The following TTC6 variants were observed in gnomAD, a reference collection of about 807,000 sequenced individuals.
TTC6 encodes the protein tetratricopeptide repeat protein 6.
A neutral mutation model predicts 210.4 loss-of-function variants in TTC6; 172 were observed. That is an observed-to-expected ratio of 0.82 (90% CI 0.72 to 0.93). The LOEUF (loss-of-function observed/expected upper bound fraction) is 0.93, where lower values mean the gene tolerates loss of function less well. TTC6 is among the 40% of genes least tolerant of loss of function. TTC6 has a pLI of 0.00. For synonymous variants in TTC6, 804 were observed against 819.6 expected (o/e 0.98, Z 0.32); for missense variants, 2,414 against 2,318.1 (o/e 1.04, Z -0.85).
rs149825912 is a variant in TTC6, at chr14:37,728,560, T to C, written c.1818+3558T>C. On this transcript the variant is annotated intron_variant, in intron 7 of 30. Coordinates refer to ENST00000553443, the Ensembl canonical transcript of TTC6. The stretch of plus-strand genomic sequence containing the variant: ...TTTGGCCTATTCAGTGCTTGAATTC[T>C]ACTCTAGTATGTCTAGCCCTGTGTT... Among the ~76,000 whole-genome samples, 102 of 152,388 alleles carry C rather than the reference T, an allele frequency of 6.7e-4. 2 individuals are homozygous for C. In the East Asian group the frequency reaches 0.019, roughly 29 times the overall value.
chr14:37,620,623 G>A (rs2095649636), upstream of TTC6, among the ~76,000 whole-genome samples: 1 of 152,130 alleles, frequency 6.6e-6, no homozygotes, highest in South Asian at 2.1e-4. Flanking sequence ...ATCTACTTAT[G>A]ATCATAGCTA....
chr14:37,618,950 TG>T (rs2095646925), upstream of TTC6, among the ~76,000 whole-genome samples: 1 of 152,338 alleles, frequency 6.6e-6, no homozygotes, highest in Non-Finnish European at 1.5e-5. Context: ...AATGTACTTC[TG>T]GTCTGTGCTC....
chr14:37,765,233 G>A (rs2095995326), intron 14 of TTC6, among the ~76,000 whole-genome samples: 1 of 151,698 alleles, frequency 6.6e-6, no homozygotes, highest in Non-Finnish European at 1.5e-5. Flanking sequence ...TGCAATCACA[G>A]CTTACTACAG....
chr14:37,597,897 C>T (rs1478392441), intron 1 of TTC6, among the ~76,000 whole-genome samples: 2 of 152,200 alleles, frequency 1.3e-5, no homozygotes, highest in African/African-American at 2.4e-5. Context: ...CTCCCAGCCT[C>T]TCTCCATCTC....
At chr14:37,786,970 C>T (rs902436342) in intron 14 of TTC6, among the ~76,000 whole-genome samples, 1 of 152,176 alleles carries the variant, frequency 6.6e-6, no homozygotes, top group Non-Finnish European at 1.5e-5. Flanking sequence ...CCAGTTTACA[C>T]AACTAATGCA....
chr14:37,731,639 GT>G (rs1051155511), intron 7 of TTC6, among the ~76,000 whole-genome samples: 85 of 152,094 alleles, frequency 5.6e-4, no homozygotes, highest in African/African-American at 2.0e-3. Context: ...GTTAAACATT[GT>G]TTATGAGTCA....
chr14:37,751,162 T>C, exon 13 of TTC6: 1 of 1,532,354 alleles, frequency 6.5e-7, no homozygotes, highest in Non-Finnish European at 8.7e-7. Flanking sequence ...CTGATATCTA[T>C]TTCAGGAGGG....
At chr14:37,700,887 A>G (rs17106954) in intron 4 of TTC6, among the ~76,000 whole-genome samples, 44,918 of 151,750 alleles carry the variant, frequency 0.3, 6,656 homozygotes, top group South Asian at 0.38. Flanking sequence ...AGTTCTATCA[A>G]TGCTAGTTAA....
intron 24 of TTC6, among the ~76,000 whole-genome samples, chr14:37,811,074 C>A (rs760286917): frequency 7.9e-5 from 12 of 152,184 alleles, no homozygotes; most frequent in Non-Finnish European, 1.6e-4. Flanking sequence ...GAGGCCAAGG[C>A]CCTGACCCCT....
chr14:37,693,328 C>G (rs184316514), intron 3 of TTC6, among the ~76,000 whole-genome samples: 127 of 152,130 alleles, frequency 8.3e-4, no homozygotes, highest in African/African-American at 2.9e-3. Flanking sequence ...TGAAGGATCT[C>G]TATAATAAAA....
intron 3 of TTC6, among the ~76,000 whole-genome samples, chr14:37,688,338 G>A (rs2095797622): frequency 6.6e-6 from 1 of 152,144 alleles, no homozygotes; most frequent in Non-Finnish European, 1.5e-5. Flanking sequence ...CTCCTGGATG[G>A]CACCTCTGGT....
chr14:37,739,218 T>G, intron 10 of TTC6, 63 bp downstream of exon 12: 1 of 1,358,530 alleles, frequency 7.4e-7, no homozygotes, highest in Non-Finnish European at 9.7e-7. Context: ...CTTAATTTTA[T>G]AATCTCACCC....
At chr14:37,608,977 C>T (rs2139241742) in intron 2 of TTC6, among the ~76,000 whole-genome samples, 1 of 152,326 alleles carries the variant, frequency 6.6e-6, no homozygotes, top group Non-Finnish European at 1.5e-5. Context: ...TCGTTTGAGT[C>T]TAATTCCCCT....
upstream of TTC6, among the ~76,000 whole-genome samples, chr14:37,617,855 G>A (rs755338918): frequency 3.9e-5 from 6 of 152,196 alleles, no homozygotes; most frequent in Non-Finnish European, 7.3e-5. Flanking sequence ...TATGTCAGTT[G>A]AGATGATATT....
chr14:37,833,896 G>C (rs1449512803), intron 29 of TTC6, among the ~76,000 whole-genome samples: 1 of 152,108 alleles, frequency 6.6e-6, no homozygotes, highest in East Asian at 1.9e-4. Flanking sequence ...TATTTCCTCA[G>C]TCTTTGTTTG....
At chr14:37,801,418 C>T (rs1266269963) in intron 20 of TTC6, among the ~76,000 whole-genome samples, 1 of 152,176 alleles carries the variant, frequency 6.6e-6, no homozygotes, top group African/African-American at 2.4e-5. Context: ...ATCTGGTAGA[C>T]ACACTCTAAG....
intron 1 of TTC6, among the ~76,000 whole-genome samples, chr14:37,601,301 T>TC (rs1566831374): frequency 1.3e-5 from 2 of 152,200 alleles, no homozygotes; most frequent in African/African-American, 4.8e-5. Flanking sequence ...TCATTTTTTT[T>TC]CTCTCCCTTA....
At chr14:37,649,052 C>T (rs1295856496) in intron 1 of TTC6, among the ~76,000 whole-genome samples, 1 of 152,088 alleles carries the variant, frequency 6.6e-6, no homozygotes, top group Non-Finnish European at 1.5e-5. Context: ...CCATGCTGGA[C>T]ACCTCTGTTG....
chr14:37,628,270 G>A (rs1260676032), intron 1 of TTC6, among the ~76,000 whole-genome samples: 1 of 152,062 alleles, frequency 6.6e-6, no homozygotes, highest in African/African-American at 2.4e-5. Context: ...ACTGTGCCTG[G>A]CCTGTTTCCT....
Sources: gnomAD v4.1 joint callset for allele counts (sites outside exome capture counted in the v4.1 genomes callset) on GRCh38, gnomAD v4.1.1 for gene constraint, MANE v1.5 for transcripts, NCBI Gene and HGNC (gene_info 2026-07-23, HGNC 2026-07-21) for gene names.